SHANK2: variants seen among roughly 807,000 people sequenced by gnomAD.
SHANK2 encodes SH3 and multiple ankyrin repeat domains protein 2.
Under a neutral mutation model 133.7 loss-of-function variants are expected in SHANK2, and 43 were observed. That is an observed-to-expected ratio of 0.32 (90% CI 0.25 to 0.41). The LOEUF is 0.41. Among genes scored for constraint, SHANK2 ranks in the 10% least tolerant of loss-of-function variants. The probability of loss-of-function intolerance (pLI) is 1.00; values close to 1 mark genes in which losing one functional copy is unlikely to be tolerated. For synonymous variants in SHANK2, 1,017 were observed against 952.8 expected (o/e 1.07, Z -1.24); for missense variants, 1,994 against 2,235.8 (o/e 0.89, Z 2.18).
Position 70,708,946 on chromosome 11 carries a change from C to T in SHANK2, c.1778-10183G>A, listed in dbSNP as rs547033728. Reference sequence around the variant, plus strand: ...ACAAGAAGGGCAGGGCGTGGTGGCTCACACCTATAATCCCAGCACTTTGGG... The same window carrying T: ...ACAAGAAGGGCAGGGCGTGGTGGCTTACACCTATAATCCCAGCACTTTGGG... On this transcript the variant is annotated intron_variant, in intron 14 of 25. Coordinates refer to ENST00000601538, the MANE Select transcript of SHANK2 (RefSeq NM_012309.5). 1.2e-3 allele frequency among the ~76,000 whole-genome samples: 188 copies of T among 152,322 alleles called. 1 individual carries two copies. The highest frequency in any genetic ancestry group is 4.5e-3 in the African/African-American group (186 of 41,576).
intron 2 of SHANK2, among the ~76,000 whole-genome samples, chr11:71,167,543 T>C (rs1555111219): frequency 1.4e-4 from 16 of 114,374 alleles, no homozygotes; most frequent in African/African-American, 3.4e-4. Flanking sequence ...GGCGGGGGGC[T>C]GACCCCCCCA....
chr11:71,078,981 G>C (rs1951255871), intron 8 of SHANK2, among the ~76,000 whole-genome samples: 1 of 152,210 alleles, frequency 6.6e-6, no homozygotes, highest in African/African-American at 2.4e-5. Flanking sequence ...GTGGAGCCAA[G>C]AGCCCTCCTG....
intron 2 of SHANK2, among the ~76,000 whole-genome samples, chr11:71,162,647 A>G (rs1555110090): frequency 6.6e-6 from 1 of 152,250 alleles, no homozygotes; most frequent in African/African-American, 2.4e-5. Flanking sequence ...TTATCTAAAC[A>G]CTTTCATACA....
At chr11:70,779,531 C>A (rs575214913) in intron 14 of SHANK2, among the ~76,000 whole-genome samples, 11 of 152,040 alleles carry the variant, frequency 7.2e-5, no homozygotes, top group Non-Finnish European at 1.3e-4. Context: ...GATGTTTTGC[C>A]GAGGGTTTAT....
At chr11:70,890,853 A>T (rs1422175169) in intron 11 of SHANK2, among the ~76,000 whole-genome samples, 20 of 151,190 alleles carry the variant, frequency 1.3e-4, no homozygotes, top group African/African-American at 4.9e-4. Context: ...AATCACAGCT[A>T]CTCAGGGGGC....
chr11:71,209,176 G>A (rs1039058689), intron 2 of SHANK2, among the ~76,000 whole-genome samples: 1 of 152,206 alleles, frequency 6.6e-6, no homozygotes, highest in Admixed American at 6.5e-5. Context: ...GCTGAATCAC[G>A]AAGCAGGAGG....
chr11:70,828,907 T>G (rs1222675370), intron 11 of SHANK2, among the ~76,000 whole-genome samples: 2 of 152,186 alleles, frequency 1.3e-5, no homozygotes, highest in Admixed American at 1.3e-4. Flanking sequence ...GCACAGAGCC[T>G]CATCCCAAGC....
At chr11:70,779,729 C>T (rs115362217) in intron 14 of SHANK2, among the ~76,000 whole-genome samples, 5,142 of 152,244 alleles carry the variant, frequency 0.034, 298 homozygotes, top group African/African-American at 0.12. Flanking sequence ...GGAGCTGAGG[C>T]GCTTGGCGTC....
At chr11:70,866,380 T>C (rs1949359615) in intron 11 of SHANK2, among the ~76,000 whole-genome samples, 1 of 151,774 alleles carries the variant, frequency 6.6e-6, no homozygotes, top group Admixed American at 6.6e-5. Flanking sequence ...TTGAGAGAAA[T>C]GGTCAAAAGA....
At chr11:70,482,647 T>G (rs1275688356) in intron 25 of SHANK2, among the ~76,000 whole-genome samples, 1 of 152,220 alleles carries the variant, frequency 6.6e-6, no homozygotes, top group Non-Finnish European at 1.5e-5. Flanking sequence ...TGCCTGGCGT[T>G]TGGTGAATGC....
Position 70,819,636 on chromosome 11 carries a change from C to A in SHANK2, c.1493+728G>T, listed in dbSNP as rs1948475742. On this transcript the variant is annotated intron_variant, in intron 12 of 25. Transcript: ENST00000601538. ...CCGAATGGGGTGCTGGGCAGGAGACCACAGGCAGTTCCCAAAGTCTGCCCT... is the reference window on the plus strand; with the variant it reads ...CCGAATGGGGTGCTGGGCAGGAGACAACAGGCAGTTCCCAAAGTCTGCCCT... Among the ~76,000 whole-genome samples, 6 of 152,278 alleles carry A rather than the reference C, an allele frequency of 3.9e-5. No homozygotes were observed. The South Asian group carries it at 1.2e-3, about 32-fold the overall frequency.
At chr11:70,909,801 C>A (rs1200564268) in intron 10 of SHANK2, among the ~76,000 whole-genome samples, 1 of 152,206 alleles carries the variant, frequency 6.6e-6, no homozygotes, top group African/African-American at 2.4e-5. Context: ...GAATTGAACA[C>A]CATTTTCTGC....
chr11:71,153,697 T>G (rs1307038747), intron 2 of SHANK2, among the ~76,000 whole-genome samples: 1 of 152,244 alleles, frequency 6.6e-6, no homozygotes, highest in Non-Finnish European at 1.5e-5. Flanking sequence ...CCGGGTGCAG[T>G]GGCTCACGCC....
At chr11:71,120,044 T>C (rs1204715483) in intron 3 of SHANK2, among the ~76,000 whole-genome samples, 5 of 152,174 alleles carry the variant, frequency 3.3e-5, no homozygotes, top group African/African-American at 1.2e-4. Context: ...GAAAAACGAT[T>C]TGATGGAAAA....
intron 14 of SHANK2, among the ~76,000 whole-genome samples, chr11:70,722,495 C>T (rs572563440): frequency 7.9e-5 from 12 of 152,336 alleles, no homozygotes; most frequent in Admixed American, 3.9e-4. Context: ...TTTGAAATAC[C>T]TACATAGGCG....
rs1232524299 is a variant in SHANK2 at position 70,488,441 on chromosome 11, T to A, written c.2573-721A>T. On this transcript the variant is annotated intron_variant, in intron 24 of 25. Coordinates refer to ENST00000601538, the MANE Select transcript of SHANK2 (RefSeq NM_012309.5). ...GAGGTGCTTTTCTTCCAGGGTCATG[T>A]GAATCCTTTCATTGCCTGACTTCAC... Among the ~76,000 whole-genome samples, 4 of 152,328 alleles carry A rather than the reference T, an allele frequency of 2.6e-5. No individual in the cohort carries two copies. In the East Asian group the frequency reaches 7.7e-4, roughly 29 times the overall value.
At position 70,902,421 on chromosome 11, in the gene SHANK2, C is replaced by T. The variant is rs74397262; in HGVS notation, c.1108-5854G>A. 3.7e-3 allele frequency among the ~76,000 whole-genome samples: 566 copies of T among 152,356 alleles called. 3 individuals are homozygous for T. Among genetic ancestry groups the T allele is most frequent in the African/African-American group, 0.013 (526 of 41,586 alleles). On this transcript the variant is annotated intron_variant, in intron 10 of 25. Coordinates refer to ENST00000601538, the MANE Select transcript of SHANK2 (RefSeq NM_012309.5). Reference sequence around the variant, plus strand: ...GCTGGCCTCTCAGCCAAGTGTGCGGCCGAGGTCCCAGCCCCTGCCGCCTCC... The same window carrying T: ...GCTGGCCTCTCAGCCAAGTGTGCGGTCGAGGTCCCAGCCCCTGCCGCCTCC...
At chr11:70,552,457 T>TA (rs1402642369) in intron 17 of SHANK2, among the ~76,000 whole-genome samples, 2 of 152,214 alleles carry the variant, frequency 1.3e-5, no homozygotes, top group African/African-American at 4.8e-5. Context: ...TGCTTCAACT[T>TA]GACAACAACT....
At chr11:71,222,535 C>T (rs978406984) in intron 2 of SHANK2, among the ~76,000 whole-genome samples, 8 of 152,198 alleles carry the variant, frequency 5.3e-5, no homozygotes, top group Admixed American at 4.6e-4. Flanking sequence ...CCCAGCTGGC[C>T]GGACGCAGGC....
Sources: allele counts gnomAD v4.1 joint callset (sites outside exome capture counted in the v4.1 genomes callset), GRCh38; gene constraint gnomAD v4.1.1; transcripts MANE v1.5; gene names NCBI Gene and HGNC (gene_info 2026-07-23, HGNC 2026-07-21).